The following DGKB variants were observed in gnomAD, a reference collection of about 807,000 sequenced individuals.
The protein encoded by DGKB is diacylglycerol kinase beta, also known as 90 kDa diacylglycerol kinase.
In DGKB, 67 loss-of-function variants were observed where a neutral mutation model predicts 114.3. That is an observed-to-expected ratio of 0.59 (90% confidence interval 0.48 to 0.72). The LOEUF (loss-of-function observed/expected upper bound fraction) is 0.72. Among genes scored for constraint, DGKB ranks in the 30% least tolerant of loss-of-function variants. The probability of loss-of-function intolerance (pLI) is 0.00; values close to 1 mark genes in which losing one functional copy is unlikely to be tolerated. For synonymous variants in DGKB, 398 were observed against 323.1 expected (o/e 1.23, Z -2.49); for missense variants, 907 against 975.2 (o/e 0.93, Z 0.93).
intron 23 of DGKB, among the ~76,000 whole-genome samples, chr7:14,192,923 T>C (rs1266646227): frequency 2.6e-5 from 4 of 151,994 alleles, no homozygotes; most frequent in South Asian, 2.1e-4. Flanking sequence ...TACAGAGTGC[T>C]CAACCTAGGT....
chr7:14,518,378 G>T (rs181376138), intron 20 of DGKB, among the ~76,000 whole-genome samples: 33 of 151,908 alleles, frequency 2.2e-4, no homozygotes, highest in African/African-American at 8.0e-4. Flanking sequence ...TATTACCTGG[G>T]TAGCAAAATA....
At chr7:14,309,644 G>T (rs180699333) in intron 23 of DGKB, among the ~76,000 whole-genome samples, 2 of 152,278 alleles carry the variant, frequency 1.3e-5, no homozygotes, top group African/African-American at 4.8e-5. Flanking sequence ...TCACAAGATA[G>T]TATCTTCTAC....
chr7:14,710,869 AT>A (rs1449556353), intron 6 of DGKB, among the ~76,000 whole-genome samples: 3 of 152,078 alleles, frequency 2.0e-5, no homozygotes, highest in Non-Finnish European at 4.4e-5. Flanking sequence ...TGGACATGTT[AT>A]TTTAGCTACT....
intron 21 of DGKB, among the ~76,000 whole-genome samples, chr7:14,455,604 T>C (rs778865382): frequency 6.6e-6 from 1 of 151,976 alleles, no homozygotes; most frequent in Non-Finnish European, 1.5e-5. Context: ...ATTTTCTATG[T>C]TTTCTAACTA....
chr7:14,736,716 T>C (rs142768820), intron 4 of DGKB, among the ~76,000 whole-genome samples: 83 of 152,326 alleles, frequency 5.4e-4, no homozygotes, highest in African/African-American at 1.7e-3. Flanking sequence ...CCAAGCTCTA[T>C]TGATAAACCT....
chr7:14,819,324 C>T (rs1359005706), intron 2 of DGKB, among the ~76,000 whole-genome samples: 4 of 152,028 alleles, frequency 2.6e-5, no homozygotes, highest in Admixed American at 6.6e-5. Flanking sequence ...TGGTGGCTCA[C>T]GACTGTAATC....
At chr7:14,950,437 A>G (rs959798546) in intron 1 of DGKB, among the ~76,000 whole-genome samples, 1 of 151,964 alleles carries the variant, frequency 6.6e-6, no homozygotes, top group African/African-American at 2.4e-5. Flanking sequence ...ATGGAGAACA[A>G]AAAAGCTGTA....
intron 1 of DGKB, among the ~76,000 whole-genome samples, chr7:14,898,594 G>T (rs1782485198): frequency 6.6e-6 from 1 of 152,086 alleles, no homozygotes; most frequent in Admixed American, 6.6e-5. Flanking sequence ...AGAAGAGGAA[G>T]GGAGCCAATG....
intron 22 of DGKB, among the ~76,000 whole-genome samples, chr7:14,344,523 A>G (rs1812152092): frequency 6.6e-6 from 1 of 151,634 alleles, no homozygotes; most frequent in South Asian, 2.1e-4. Context: ...TGTTGAAGCC[A>G]ATGTTTCTTA....
chr7:14,921,686 G>A (rs1784513529), intron 1 of DGKB, among the ~76,000 whole-genome samples: 1 of 152,158 alleles, frequency 6.6e-6, no homozygotes, highest in African/African-American at 2.4e-5. Context: ...GACCCAAAAT[G>A]TCAACATGGC....
At chr7:14,860,389 T>C (rs1234980206) in intron 1 of DGKB, among the ~76,000 whole-genome samples, 1 of 152,038 alleles carries the variant, frequency 6.6e-6, no homozygotes, top group Non-Finnish European at 1.5e-5. Flanking sequence ...ATTGCATACA[T>C]TCACGTCTTC....
rs1781459855 is a variant in DGKB at position 14,146,208 on chromosome 7, T to G, written c.*2923A>C. 1 of 152,224 alleles carries G rather than the reference T, an allele frequency of 6.6e-6. No individual in the cohort carries two copies. The highest frequency in any genetic ancestry group is 6.5e-5 in the Admixed American group (1 of 15,270). 9.4% of individuals were successfully genotyped at this position (152,224 alleles called of 1,614,324 possible). A position where few individuals can be genotyped will look rare whatever the true frequency, so the allele number is the denominator to read the frequency against. On this transcript the variant is annotated 3_prime_UTR_variant, in exon 26 of 26. Transcript: ENST00000402815. ...AGGAAGTGGAAAAAATAAATTTACG[T>G]CTTTTAAACTTTCTGGTTCTATGTA...
intron 20 of DGKB, among the ~76,000 whole-genome samples, chr7:14,521,015 A>G (rs1789680386): frequency 6.6e-6 from 1 of 152,024 alleles, no homozygotes; most frequent in South Asian, 2.1e-4. Context: ...AGCCCTTTGA[A>G]TATGTTATTC....
intron 2 of DGKB, among the ~76,000 whole-genome samples, chr7:14,783,278 T>A (rs1839390901): frequency 6.6e-6 from 1 of 152,210 alleles, no homozygotes; most frequent in South Asian, 2.1e-4. Flanking sequence ...ATATGGCTCA[T>A]TCTTATACCA....
intron 17 of DGKB, among the ~76,000 whole-genome samples, chr7:14,597,526 T>A (rs1563632877): frequency 6.6e-6 from 1 of 152,196 alleles, no homozygotes; most frequent in Admixed American, 6.5e-5. Context: ...TAAACTTGTC[T>A]TGATTACGAA....
At chr7:14,392,742 TC>T (rs1821511433) in intron 21 of DGKB, among the ~76,000 whole-genome samples, 1 of 152,052 alleles carries the variant, frequency 6.6e-6, no homozygotes, top group Admixed American at 6.5e-5. Flanking sequence ...AAATTCCAAA[TC>T]CCATTCGCAA....
chr7:14,944,662 C>T (rs958523064), intron 1 of DGKB, among the ~76,000 whole-genome samples: 3 of 151,482 alleles, frequency 2.0e-5, no homozygotes, highest in African/African-American at 4.8e-5. Flanking sequence ...TTTCTGGAGA[C>T]AATTTTGATC....
intron 20 of DGKB, among the ~76,000 whole-genome samples, chr7:14,481,228 T>C (rs986663137): frequency 6.6e-6 from 1 of 151,952 alleles, no homozygotes. Context: ...TTTTCTGAAA[T>C]GTATTTTTCC....
chr7:14,228,802 A>T (rs1335154026), intron 23 of DGKB, among the ~76,000 whole-genome samples: 1 of 151,958 alleles, frequency 6.6e-6, no homozygotes, highest in African/African-American at 2.4e-5. Flanking sequence ...CAAAAAATGT[A>T]TTCTTTTCTG....
Sources: gnomAD v4.1 joint callset for allele counts (sites outside exome capture counted in the v4.1 genomes callset) on GRCh38, gnomAD v4.1.1 for gene constraint, MANE v1.5 for transcripts, NCBI Gene and HGNC (gene_info 2026-07-23, HGNC 2026-07-21) for gene names.